Variants in CLVS1 observed in about 807,000 individuals in gnomAD.
CLVS1 encodes the protein clavesin 1.
CLVS1 carries 10 observed loss-of-function variants against 33.1 expected under a neutral mutation model. That is an observed-to-expected ratio of 0.30 (90% CI 0.19 to 0.51). CLVS1 has a LOEUF of 0.51. CLVS1 is among the 20% of genes least tolerant of loss of function. CLVS1 has a pLI of 0.97. For synonymous variants in CLVS1, 163 were observed against 166.1 expected, an observed-to-expected ratio of 0.98 and a Z score of 0.14; for missense variants, 343 against 433.4, an observed-to-expected ratio of 0.79 and a Z score of 1.85.
At chr8:61,374,114 A>G (rs563019114) in intron 2 of CLVS1, among the ~76,000 whole-genome samples, 5 of 152,194 alleles carry the variant, frequency 3.3e-5, no homozygotes, top group Non-Finnish European at 7.3e-5. Flanking sequence ...AGTCACATGA[A>G]CAAGGGACAA....
At chr8:61,044,047 T>C in the CLVS1 span, among the ~76,000 whole-genome samples, 1 of 152,234 alleles carries the variant, frequency 6.6e-6, no homozygotes, top group Non-Finnish European at 1.5e-5. Flanking sequence ...TCTGATTCAT[T>C]TATCAAGTGA....
At chr8:61,107,988 C>G (rs1805567314) in intron 1 of CLVS1, among the ~76,000 whole-genome samples, 1 of 152,058 alleles carries the variant, frequency 6.6e-6, no homozygotes, top group Non-Finnish European at 1.5e-5. Flanking sequence ...ATAAAAATAG[C>G]CAGGCACAGT....
intron 2 of CLVS1, among the ~76,000 whole-genome samples, chr8:61,211,050 A>G (rs1026929535): frequency 1.3e-5 from 2 of 152,154 alleles, no homozygotes; most frequent in Non-Finnish European, 2.9e-5. Flanking sequence ...GGGCTTAAAG[A>G]AATGCCAAGT....
chr8:61,306,266 T>A (rs1810623110), intron 2 of CLVS1, among the ~76,000 whole-genome samples: 1 of 152,230 alleles, frequency 6.6e-6, no homozygotes, highest in Admixed American at 6.5e-5. Flanking sequence ...GTGGTTTTGA[T>A]TTGCATTTCT....
At chr8:61,287,470 A>G (rs1486065629), upstream of CLVS1, among the ~76,000 whole-genome samples, 1 of 152,202 alleles carries the variant, frequency 6.6e-6, no homozygotes, top group Admixed American at 6.5e-5. Flanking sequence ...TATGCACTCA[A>G]ACTTACCGAT....
chr8:60,969,461 G>A, the CLVS1 span, among the ~76,000 whole-genome samples: 1 of 152,270 alleles, frequency 6.6e-6, no homozygotes, highest in African/African-American at 2.4e-5. Flanking sequence ...CGTCTGTTAT[G>A]TCAGCCTTAC....
rs371888101 is a variant in CLVS1 at position 61,314,271 on chromosome 8, TATGC to T, written c.455+13992_455+13995del. On this transcript the variant is annotated intron_variant, in intron 2 of 5. Coordinates refer to ENST00000325897, the MANE Select transcript of CLVS1 (RefSeq NM_173519.3). The stretch of plus-strand genomic sequence containing the variant: ...GTTAGTCCGTCCTATAATTTTATAG[TATGC>T]ATCTTGATTAGTATATCACACCACC... Among the ~76,000 whole-genome samples the T allele has an allele frequency of 3.9e-3, 598 of 152,280 alleles. 5 individuals are homozygous for T. The highest frequency in any genetic ancestry group is 0.014 in the African/African-American group (572 of 41,542).
At chr8:61,328,569 CT>C (rs1811471704) in intron 2 of CLVS1, among the ~76,000 whole-genome samples, 1 of 151,900 alleles carries the variant, frequency 6.6e-6, no homozygotes, top group Non-Finnish European at 1.5e-5. Flanking sequence ...CATCAAAGAA[CT>C]GTCATTTCTT....
intron 3 of CLVS1, among the ~76,000 whole-genome samples, chr8:61,390,538 C>T (rs1814260687): frequency 6.6e-6 from 1 of 152,156 alleles, no homozygotes; most frequent in South Asian, 2.1e-4. Flanking sequence ...TTTCCTGAAC[C>T]CAAACCAACA....
chr8:61,272,361 C>T (rs1809459565), intron 2 of CLVS1, among the ~76,000 whole-genome samples: 1 of 152,174 alleles, frequency 6.6e-6, no homozygotes, highest in African/African-American at 2.4e-5. Flanking sequence ...GCTGAGAGAT[C>T]CGCTGTTAGT....
At chr8:60,998,944 A>G in the CLVS1 span, among the ~76,000 whole-genome samples, 7 of 152,154 alleles carry the variant, frequency 4.6e-5, no homozygotes, top group Non-Finnish European at 8.8e-5. Flanking sequence ...AGGATGAGAA[A>G]AAAAGAAGCA....
chr8:61,352,064 T>C (rs1213816814), intron 2 of CLVS1, among the ~76,000 whole-genome samples: 1 of 152,068 alleles, frequency 6.6e-6, no homozygotes, highest in Non-Finnish European at 1.5e-5. Flanking sequence ...TTATAAATCA[T>C]ATTTGATGAT....
At chr8:61,205,576 T>C (rs1186427764) in intron 2 of CLVS1, among the ~76,000 whole-genome samples, 1 of 152,252 alleles carries the variant, frequency 6.6e-6, no homozygotes. Flanking sequence ...ATGTGCAATA[T>C]CTTTTGGAGT....
At chr8:61,274,331 C>T (rs918276346) in intron 2 of CLVS1, among the ~76,000 whole-genome samples, 1 of 152,082 alleles carries the variant, frequency 6.6e-6, no homozygotes, top group African/African-American at 2.4e-5. Flanking sequence ...TTTATATTCC[C>T]TGCATTGATG....
chr8:61,241,790 T>C (rs1808703536), intron 2 of CLVS1, among the ~76,000 whole-genome samples: 1 of 152,240 alleles, frequency 6.6e-6, no homozygotes, highest in Non-Finnish European at 1.5e-5. Flanking sequence ...GAGTTTCCTT[T>C]GGGAATTATT....
intron 2 of CLVS1, among the ~76,000 whole-genome samples, chr8:61,311,564 G>A (rs946563430): frequency 5.9e-5 from 9 of 152,172 alleles, no homozygotes; most frequent in African/African-American, 9.7e-5. Flanking sequence ...CCACCAGGAA[G>A]ATGTCAGCCA....
chr8:61,255,640 T>A (rs1809062472), intron 2 of CLVS1, among the ~76,000 whole-genome samples: 1 of 152,204 alleles, frequency 6.6e-6, no homozygotes, highest in Non-Finnish European at 1.5e-5. Flanking sequence ...CAAAAAGGTC[T>A]CATGTTTGGT....
chr8:61,499,333 AC>A, intron 5 of CLVS1, 121 bp from the exon 6 acceptor site: 1 of 644,128 alleles, frequency 1.6e-6, no homozygotes, highest in Non-Finnish European at 2.8e-6. Context: ...GTGCCACTGC[AC>A]CCAGTTAATT....
At chr8:61,038,001 G>A in the CLVS1 span, among the ~76,000 whole-genome samples, 1 of 152,078 alleles carries the variant, frequency 6.6e-6, no homozygotes, top group Non-Finnish European at 1.5e-5. Context: ...GTGCAGAGTG[G>A]GAGGTAAGAA....
Sources: gnomAD v4.1 joint callset for allele counts (sites outside exome capture counted in the v4.1 genomes callset) on GRCh38, gnomAD v4.1.1 for gene constraint, MANE v1.5 for transcripts, NCBI Gene and HGNC (gene_info 2026-07-23, HGNC 2026-07-21) for gene names.